The following FBXW12 variants were observed in gnomAD, a reference collection of about 807,000 sequenced individuals.
FBXW12 encodes F-box and WD repeat domain containing 12.
FBXW12 carries 43 observed loss-of-function variants against 55.3 expected under a neutral mutation model. The ratio of observed to expected loss-of-function variants is 0.78; its 90% CI spans 0.61 to 1.00. FBXW12 has a LOEUF of 1.00. Among genes scored for constraint, FBXW12 ranks in the 50% least tolerant of loss-of-function variants. The pLI, the probability that FBXW12 is intolerant of heterozygous loss-of-function variation, is 0.00. For synonymous variants in FBXW12, 184 were observed against 203.8 expected (o/e 0.90, Z 0.83); for missense variants, 524 against 560.5 (o/e 0.93, Z 0.66).
intron 10 of FBXW12, among the ~76,000 whole-genome samples, chr3:48,385,958 A>G (rs1426669520): frequency 6.6e-6 from 1 of 152,152 alleles, no homozygotes; most frequent in African/African-American, 2.4e-5. Flanking sequence ...CTCCCATTCC[A>G]TAGATTGTCT....
intron 1 of FBXW12, 84 bp from the exon 2 acceptor site, chr3:48,372,600 G>A (rs534397237): frequency 2.4e-5 from 35 of 1,486,986 alleles, no homozygotes; most frequent in African/African-American, 4.2e-5. Context: ...GGGAGAGGCC[G>A]GGGTGGAGGT....
At position 48,377,279 on chromosome 3, in the gene FBXW12, T is replaced by C. The variant is rs1463093326; in HGVS notation, c.406-1038T>C. 3.3e-5 allele frequency among the ~76,000 whole-genome samples: 5 copies of C among 152,100 alleles called. No homozygotes were observed. In the East Asian group the frequency reaches 7.7e-4, roughly 23 times the overall value. ...CAATAGGGCTGACCTGTGCAACCAA[T>C]AGGATATTGTGGAAATTATGGTGTA... On this transcript the variant is annotated intron_variant, in intron 5 of 10. Transcript: ENST00000296438.
intron 6 of FBXW12, 109 bp downstream of exon 6, chr3:48,378,635 G>A (rs2036720772): frequency 1.3e-6 from 1 of 742,888 alleles, no homozygotes; most frequent in Non-Finnish European, 2.1e-6. Context: ...TTTTTTTGGA[G>A]ACAGAGTCTC....
intron 10 of FBXW12, among the ~76,000 whole-genome samples, chr3:48,393,540 A>T (rs533292743): frequency 6.6e-6 from 1 of 152,270 alleles, no homozygotes; most frequent in African/African-American, 2.4e-5. Flanking sequence ...TTTCCTCATC[A>T]TACAGTGGGG....
At chr3:48,374,374 C>T (rs574912470) in intron 4 of FBXW12, among the ~76,000 whole-genome samples, 1 of 148,118 alleles carries the variant, frequency 6.8e-6, no homozygotes, top group Admixed American at 6.8e-5. Context: ...GTCATCTAGG[C>T]TGGAGTGCAA....
At chr3:48,376,030 G>A (rs2036680299) in intron 5 of FBXW12, among the ~76,000 whole-genome samples, 1 of 133,818 alleles carries the variant, frequency 7.5e-6, no homozygotes, top group East Asian at 2.2e-4. Flanking sequence ...TGCCCAGGCT[G>A]GAGTGTAGTG....
intron 5 of FBXW12, among the ~76,000 whole-genome samples, chr3:48,375,701 G>C (rs975817342): frequency 6.6e-6 from 1 of 152,172 alleles, no homozygotes; most frequent in Non-Finnish European, 1.5e-5. Context: ...TTGAGACTGA[G>C]TCTCGCTCTG....
chr3:48,375,507 T>C (rs201062866), intron 5 of FBXW12, 35 bp downstream of exon 5: 19 of 1,231,796 alleles, frequency 1.5e-5, no homozygotes, highest in Non-Finnish European at 2.1e-5. Context: ...AAGTACTGCA[T>C]ATTTGCATCC....
chr3:48,382,688 G>A (rs1247663870), intron 10 of FBXW12, among the ~76,000 whole-genome samples: 5 of 152,120 alleles, frequency 3.3e-5, no homozygotes, highest in African/African-American at 1.2e-4. Flanking sequence ...CTGCTTCAGT[G>A]AGCTGCCTTT....
At chr3:48,381,909 A>T (rs561452436) in intron 9 of FBXW12, 31 bp downstream of exon 9, 2 of 1,611,482 alleles carry the variant, frequency 1.2e-6, no homozygotes, top group East Asian at 2.2e-5. Context: ...CTGCTTTTTG[A>T]TCTGACTTTG....
chr3:48,375,339 T>C lies in FBXW12; in HGVS notation c.287-15T>C, dbSNP rs377254334. 46 of 1,496,608 alleles carry C rather than the reference T, an allele frequency of 3.1e-5. No individual in the cohort carries two copies. The highest frequency in any genetic ancestry group is 2.2e-4 in the Admixed American group (13 of 59,126). 92.7% of individuals were successfully genotyped at this position (1,496,608 alleles called of 1,614,324 possible). ...TTAACTATCTGGTGGCCAAGTCTTC[T>C]ATGTTTCCTTCTAGCATTTGAGACG... On this transcript the variant is annotated splice_polypyrimidine_tract_variant and intron_variant, in intron 4 of 10. Transcript: ENST00000296438.
At chr3:48,390,561 C>T (rs1021178128) in intron 10 of FBXW12, among the ~76,000 whole-genome samples, 6 of 151,574 alleles carry the variant, frequency 4.0e-5, no homozygotes, top group South Asian at 4.2e-4. Context: ...ACCACAGGCA[C>T]GTGCCACCAC....
intron 10 of FBXW12, among the ~76,000 whole-genome samples, chr3:48,387,706 G>A (rs2106649805): frequency 6.6e-6 from 1 of 152,156 alleles, no homozygotes; most frequent in Non-Finnish European, 1.5e-5. Context: ...GTACCACCAT[G>A]CCAGACTATT....
At chr3:48,378,148 T>A (rs1355399498) in intron 5 of FBXW12, among the ~76,000 whole-genome samples, 169 bp from the exon 6 acceptor site, 1 of 152,184 alleles carries the variant, frequency 6.6e-6, no homozygotes, top group Non-Finnish European at 1.5e-5. Context: ...TAGTTCCTGT[T>A]TTCATGTTCA....
At chr3:48,387,247 A>G (rs1004700658) in intron 10 of FBXW12, among the ~76,000 whole-genome samples, 6 of 152,078 alleles carry the variant, frequency 3.9e-5, no homozygotes, top group African/African-American at 1.4e-4. Flanking sequence ...AACTTGTCAA[A>G]TGTGTGTAGA....
At chr3:48,389,065 C>T (rs1249534668) in intron 10 of FBXW12, among the ~76,000 whole-genome samples, 1 of 152,140 alleles carries the variant, frequency 6.6e-6, no homozygotes, top group Non-Finnish European at 1.5e-5. Context: ...CTATCTTCTA[C>T]ATCTACGAGT....
chr3:48,381,297 C>G (rs1019700008), intron 8 of FBXW12, among the ~76,000 whole-genome samples: 3 of 152,058 alleles, frequency 2.0e-5, no homozygotes, highest in African/African-American at 7.3e-5. Context: ...GCTGGGATTA[C>G]AGGAGTGAGC....
At chr3:48,386,228 C>G (rs778384500) in intron 10 of FBXW12, among the ~76,000 whole-genome samples, 6 of 152,166 alleles carry the variant, frequency 3.9e-5, no homozygotes, top group Non-Finnish European at 8.8e-5. Context: ...CCAGTTTTCC[C>G]AGTGCCATTT....
chr3:48,372,273 T>C lies in FBXW12; in HGVS notation c.-132T>C, dbSNP rs764438714. On this transcript the variant is annotated 5_prime_UTR_variant, in exon 1 of 11. The change abolishes an upstream ATG in the 5' untranslated region. Coordinates refer to ENST00000296438, the MANE Select transcript of FBXW12 (RefSeq NM_207102.2). ...CGAGAAGGTAGAAACCCAGAGGCCA[T>C]GCTGGCGCTGAGAGATGAGCCCCAC... is the stretch of plus-strand genomic sequence containing the variant. 89 of 1,552,172 alleles carry C rather than the reference T, an allele frequency of 5.7e-5. No individual in the cohort carries two copies. The highest frequency in any genetic ancestry group is 7.8e-5 in the Non-Finnish European group (89 of 1,147,074).
Sources: gnomAD v4.1 joint callset for allele counts (sites outside exome capture counted in the v4.1 genomes callset) on GRCh38, gnomAD v4.1.1 for gene constraint, MANE v1.5 for transcripts, NCBI Gene and HGNC (gene_info 2026-07-23, HGNC 2026-07-21) for gene names.